The following BICC1 variants were observed in gnomAD, a reference collection of about 807,000 sequenced individuals.
The protein encoded by BICC1 is protein bicaudal C homolog 1.
A neutral mutation model predicts 111.0 loss-of-function variants in BICC1; 43 were observed. That is an observed-to-expected ratio of 0.39 (90% CI 0.30 to 0.50). The LOEUF (loss-of-function observed/expected upper bound fraction) is 0.50, where lower values mean the gene tolerates loss of function less well. Among genes scored for constraint, BICC1 ranks in the 20% least tolerant of loss-of-function variants. BICC1 has a pLI of 0.88. For missense variants in BICC1, 1,091 were observed against 1,203.2 expected (o/e 0.91, Z 1.38); for synonymous variants, 467 against 434.4 (o/e 1.07, Z -0.93).
intron 1 of BICC1, among the ~76,000 whole-genome samples, chr10:58,553,259 A>C (rs1021257089): frequency 6.6e-6 from 1 of 152,158 alleles, no homozygotes; most frequent in Non-Finnish European, 1.5e-5. Context: ...GTCCTTAAAG[A>C]GGTTAGCCTG....
chr10:58,655,968 A>G (rs1588979611), intron 2 of BICC1, among the ~76,000 whole-genome samples: 1 of 152,110 alleles, frequency 6.6e-6, no homozygotes, highest in African/African-American at 2.4e-5. Context: ...AATAAAGAAA[A>G]AAAGAGAGAA....
At chr10:58,690,457 G>A (rs1191133123) in intron 2 of BICC1, among the ~76,000 whole-genome samples, 1 of 152,244 alleles carries the variant, frequency 6.6e-6, no homozygotes, top group Non-Finnish European at 1.5e-5. Context: ...TGTGAAGCCT[G>A]TGTGGAGCTG....
At chr10:58,536,459 G>T (rs907440192) in intron 1 of BICC1, among the ~76,000 whole-genome samples, 4 of 151,754 alleles carry the variant, frequency 2.6e-5, no homozygotes, top group Non-Finnish European at 5.9e-5. Context: ...ATCTGTTCCT[G>T]AGTGATTTTT....
At chr10:58,711,718 T>C (rs1265632615) in intron 3 of BICC1, among the ~76,000 whole-genome samples, 1 of 152,192 alleles carries the variant, frequency 6.6e-6, no homozygotes, top group Non-Finnish European at 1.5e-5. Context: ...CTCTCTCTCC[T>C]GTACCAGGGT....
intron 1 of BICC1, among the ~76,000 whole-genome samples, chr10:58,527,268 G>T: frequency 6.6e-6 from 1 of 152,094 alleles, no homozygotes; most frequent in Non-Finnish European, 1.5e-5. Context: ...TTTTTGATGG[G>T]GTTGATTTTT....
At position 58,660,817 on chromosome 10, in the gene BICC1, C is replaced by T. The variant is rs549633715; in HGVS notation, c.237+39916C>T. ...AAGGGAAAGAGAAAGTCACCCCAGGCGACTTCATGTGCTGCCAAGGTTGAA... is the reference window on the plus strand; with the variant it reads ...AAGGGAAAGAGAAAGTCACCCCAGGTGACTTCATGTGCTGCCAAGGTTGAA... On this transcript the variant is annotated intron_variant, in intron 2 of 20. Transcript: ENST00000373886. Among the ~76,000 whole-genome samples, 97 of 152,240 alleles carry T rather than the reference C, an allele frequency of 6.4e-4. No individual in the cohort carries two copies. The South Asian group carries it at 9.7e-3, about 15-fold the overall frequency.
intron 1 of BICC1, among the ~76,000 whole-genome samples, chr10:58,597,493 A>AT (rs1564504820): frequency 6.6e-6 from 1 of 152,178 alleles, no homozygotes; most frequent in Non-Finnish European, 1.5e-5. Context: ...AGTGGTGCAC[A>AT]TATTGTCTTG....
intron 3 of BICC1, among the ~76,000 whole-genome samples, chr10:58,728,555 T>G (rs372259139): frequency 4.6e-5 from 7 of 152,096 alleles, no homozygotes; most frequent in African/African-American, 1.7e-4. Flanking sequence ...TCTTCCAAAC[T>G]CCCGTTATAA....
intron 2 of BICC1, among the ~76,000 whole-genome samples, chr10:58,680,033 G>A (rs897272854): frequency 6.6e-6 from 1 of 152,122 alleles, no homozygotes; most frequent in African/African-American, 2.4e-5. Context: ...TAGATGGAAC[G>A]TATCTCAAAA....
intron 1 of BICC1, among the ~76,000 whole-genome samples, chr10:58,589,417 C>T (rs1844531738): frequency 6.6e-6 from 1 of 151,812 alleles, no homozygotes; most frequent in Non-Finnish European, 1.5e-5. Flanking sequence ...GTACAGCTGG[C>T]ACACAGAGCT....
At chr10:58,675,757 C>T (rs1193153797) in intron 2 of BICC1, among the ~76,000 whole-genome samples, 1 of 152,178 alleles carries the variant, frequency 6.6e-6, no homozygotes, top group Non-Finnish European at 1.5e-5. Flanking sequence ...TATACCAAAT[C>T]ATTATTTTGT....
At chr10:58,725,345 AACTG>A (rs1222509060) in intron 3 of BICC1, among the ~76,000 whole-genome samples, 3 of 152,114 alleles carry the variant, frequency 2.0e-5, no homozygotes, top group African/African-American at 7.2e-5. Context: ...TACAATTCCC[AACTG>A]CAGACTCTGC....
intron 3 of BICC1, among the ~76,000 whole-genome samples, chr10:58,764,335 G>A (rs1211452676): frequency 6.6e-6 from 1 of 152,048 alleles, no homozygotes; most frequent in Non-Finnish European, 1.5e-5. Context: ...CATAGAAGTG[G>A]AAACAAATCT....
At chr10:58,598,229 G>A (rs540204933) in intron 1 of BICC1, among the ~76,000 whole-genome samples, 6 of 152,108 alleles carry the variant, frequency 3.9e-5, no homozygotes, top group African/African-American at 1.4e-4. Flanking sequence ...AACAAATCTG[G>A]AGGCATCACG....
intron 1 of BICC1, among the ~76,000 whole-genome samples, chr10:58,581,115 A>G (rs1589116140): frequency 6.6e-6 from 1 of 152,302 alleles, no homozygotes; most frequent in East Asian, 1.9e-4. Context: ...TTATAAAGCA[A>G]AGGAAATAAT....
intron 2 of BICC1, among the ~76,000 whole-genome samples, chr10:58,673,579 G>C (rs902233126): frequency 6.6e-6 from 1 of 152,052 alleles, no homozygotes; most frequent in Non-Finnish European, 1.5e-5. Context: ...TCTGGTAGTA[G>C]CACCATCTAC....
In BICC1 at chr10:58,557,496, C is replaced by T. The variant is rs554969722; in HGVS notation, c.190+44163C>T. Reference sequence around the variant, plus strand: ...TGGGAACTCCAATTACACATATATTCGACTGCTTGATGTTGTTCCACAGCT... The same window carrying T: ...TGGGAACTCCAATTACACATATATTTGACTGCTTGATGTTGTTCCACAGCT... On this transcript the variant is annotated intron_variant, in intron 1 of 20. Transcript: ENST00000373886. Among the ~76,000 whole-genome samples the T allele has an allele frequency of 1.1e-3, 173 of 151,984 alleles. 1 individual carries two copies. The highest frequency in any genetic ancestry group is 3.4e-3 in the Middle Eastern group (1 of 294).
intron 1 of BICC1, among the ~76,000 whole-genome samples, chr10:58,573,927 A>T (rs1844036119): frequency 6.6e-6 from 1 of 152,090 alleles, no homozygotes; most frequent in Non-Finnish European, 1.5e-5. Context: ...ATTTCTGACC[A>T]CTCTACATCT....
intron 2 of BICC1, among the ~76,000 whole-genome samples, chr10:58,663,895 G>T (rs1446404752): frequency 6.6e-6 from 1 of 152,220 alleles, no homozygotes; most frequent in African/African-American, 2.4e-5. Context: ...GGGTGTGTCA[G>T]TAGTTCATTG....
Sources: gnomAD v4.1 joint callset for allele counts (sites outside exome capture counted in the v4.1 genomes callset) on GRCh38, gnomAD v4.1.1 for gene constraint, MANE v1.5 for transcripts, NCBI Gene and HGNC (gene_info 2026-07-23, HGNC 2026-07-21) for gene names.